POU2F1: variants seen among roughly 807,000 people sequenced by gnomAD.
POU2F1 encodes POU domain, class 2, transcription factor 1.
In POU2F1, 16 loss-of-function variants were observed where a neutral mutation model predicts 84.9. The ratio of observed to expected loss-of-function variants is 0.19; its 90% CI spans 0.13 to 0.29. The LOEUF is 0.29. Among genes scored for constraint, POU2F1 ranks in the 10% least tolerant of loss-of-function variants. The probability of loss-of-function intolerance (pLI) is 1.00; values close to 1 mark genes in which losing one functional copy is unlikely to be tolerated. For synonymous variants in POU2F1, 368 were observed against 368.3 expected (o/e 1.00, Z 0.01); for missense variants, 738 against 942.6 (o/e 0.78, Z 2.84).
intron 1 of POU2F1, among the ~76,000 whole-genome samples, chr1:167,258,097 G>T (rs771979529): frequency 6.6e-6 from 1 of 152,150 alleles, no homozygotes; most frequent in Non-Finnish European, 1.5e-5. Context: ...TGATTGTCAT[G>T]TGTGTCACCG....
Position 167,353,349 on chromosome 1 carries a change from CT to C in POU2F1, c.128-12104del, listed in dbSNP as rs769922058. Among the ~76,000 whole-genome samples the C allele has an allele frequency of 4.5e-3, 641 of 141,856 alleles. 3 individuals are homozygous for C. Among genetic ancestry groups the C allele is most frequent in the South Asian group, 0.019 (83 of 4,470 alleles). The allele number at this position is 141,856 out of a possible 152,430, so 93.1% of individuals were successfully genotyped here. A position where few individuals can be genotyped will look rare whatever the true frequency, so the allele number is the denominator to read the frequency against. On this transcript the variant is annotated intron_variant, in intron 2 of 15. Coordinates refer to ENST00000367866, the MANE Select transcript of POU2F1 (RefSeq NM_002697.4). ...TTTTTCTGTTTTTACCTACCTTCTC[CT>C]TTTTTTTTTTTTTGCATCTGACAAA... is the stretch of plus-strand genomic sequence containing the variant.
chr1:167,322,185 A>T (rs2102636386), intron 1 of POU2F1, among the ~76,000 whole-genome samples: 2 of 152,270 alleles, frequency 1.3e-5, no homozygotes, highest in South Asian at 4.1e-4. Context: ...TGATTCACCC[A>T]ATAAGTTGCT....
chr1:167,225,929 A>G (rs149188129), intron 1 of POU2F1, among the ~76,000 whole-genome samples: 4 of 152,322 alleles, frequency 2.6e-5, no homozygotes, highest in Non-Finnish European at 5.9e-5. Context: ...ATTTGCCTTT[A>G]TATAATTGTG....
chr1:167,259,273 T>C (rs371431724), intron 1 of POU2F1, among the ~76,000 whole-genome samples: 256 of 152,290 alleles, frequency 1.7e-3, no homozygotes, highest in African/African-American at 5.9e-3. Context: ...TATTGCATTC[T>C]ATTGGGAGAC....
intron 15 of POU2F1, 100 bp from the exon 16 acceptor site, chr1:167,415,400 G>T (rs1425798797): frequency 3.1e-6 from 4 of 1,309,390 alleles, no homozygotes; most frequent in Middle Eastern, 1.9e-4. Context: ...TTTCCTGGTG[G>T]GTTGTAGGAA....
At position 167,412,228 on chromosome 1, in the gene POU2F1, A is replaced by G. The variant is rs1457284204; in HGVS notation, c.1825A>G (p.Asn609Asp). 1.2e-6 allele frequency: 2 copies of G among 1,607,046 alleles called. No individual in the cohort carries two copies. Residue 609 changes from asparagine (N) to aspartate (D), a missense_variant, in exon 14 of 16, where the codon AAT (asparagine) becomes GAT (aspartate). Around this residue, in one of 4 missense-constraint regions of POU2F1, gnomAD observed 319 missense variants for 386.0 expected, o/e 0.83. Coordinates refer to ENST00000367866, the MANE Select transcript of POU2F1 (RefSeq NM_002697.4). The stretch of plus-strand genomic sequence containing the variant: ...TCAAGGAGCTGCACAGTTGCCAGCA[A>G]ATGCCAGTCTTGCTGCCATGGCAGC... ...ALQGAAQLPA[N>D]ASLAAMAAAA...
chr1:167,298,731 A>G lies in POU2F1; in HGVS notation c.62-33739A>G, dbSNP rs942706676. Among the ~76,000 whole-genome samples the G allele has an allele frequency of 7.2e-5, 11 of 152,138 alleles. 1 individual carries two copies. Among genetic ancestry groups the G allele is most frequent in the African/African-American group, 2.2e-4 (9 of 41,432 alleles). ...AATTATGAGCTTCAAAAAACTATTC[A>G]GTTTGCTTGAATTCATTAATTTTAA... On this transcript the variant is annotated intron_variant, in intron 1 of 15. Transcript: ENST00000367866.
intron 1 of POU2F1, among the ~76,000 whole-genome samples, chr1:167,319,264 C>T (rs1656142559): frequency 6.6e-6 from 1 of 152,140 alleles, no homozygotes; most frequent in South Asian, 2.1e-4. Flanking sequence ...AACCTCTACC[C>T]CAACTTATTA....
chr1:167,337,960 T>A (rs1657582666), intron 2 of POU2F1: 1 of 369,688 alleles, frequency 2.7e-6, no homozygotes, highest in East Asian at 7.2e-5. Flanking sequence ...CTTTTTGCCT[T>A]CTTTTACAGC....
At chr1:167,329,163 G>T (rs1282483942) in intron 1 of POU2F1, 1 of 1,425,422 alleles carries the variant, frequency 7.0e-7, no homozygotes, top group Non-Finnish European at 9.3e-7. Context: ...CCCTCTTTTC[G>T]CTTAAGAACA....
intron 1 of POU2F1, among the ~76,000 whole-genome samples, chr1:167,264,852 A>C (rs1044341073): frequency 6.6e-6 from 1 of 151,838 alleles, no homozygotes; most frequent in Non-Finnish European, 1.5e-5. Context: ...AGATCTTCCC[A>C]CGGTTTCCCA....
chr1:167,267,816 T>A (rs1244748608), intron 1 of POU2F1, among the ~76,000 whole-genome samples: 1 of 151,878 alleles, frequency 6.6e-6, no homozygotes, highest in Non-Finnish European at 1.5e-5. Context: ...TAATTTTTGG[T>A]ATTTTTAGTA....
intron 1 of POU2F1, among the ~76,000 whole-genome samples, chr1:167,238,554 G>A (rs1043091141): frequency 6.6e-6 from 1 of 152,258 alleles, no homozygotes; most frequent in African/African-American, 2.4e-5. Context: ...GAATGCCCCT[G>A]TATAGGCCAA....
At chr1:167,278,231 C>T (rs1046830139) in intron 1 of POU2F1, among the ~76,000 whole-genome samples, 2 of 152,188 alleles carry the variant, frequency 1.3e-5, no homozygotes, top group Non-Finnish European at 2.9e-5. Context: ...CCATTTCATT[C>T]TTCACGTCTC....
chr1:167,350,272 A>G (rs772472084), intron 2 of POU2F1, among the ~76,000 whole-genome samples: 11 of 152,150 alleles, frequency 7.2e-5, no homozygotes, highest in African/African-American at 9.7e-5. Flanking sequence ...GCCTTTTTAC[A>G]TATTCAGGAT....
In POU2F1 at chr1:167,352,982, G is replaced by A. The variant is rs933470042; in HGVS notation, c.128-12485G>A. Among the ~76,000 whole-genome samples the A allele has an allele frequency of 4.6e-5, 7 of 152,220 alleles. No individual in the cohort carries two copies. The East Asian group carries it at 1.3e-3, about 29-fold the overall frequency. On this transcript the variant is annotated intron_variant, in intron 2 of 15. Transcript: ENST00000367866. ...TTTAAATGCCTGAATCCTGTGCAAA[G>A]CTGAGTAATATGAACTGTTCATGAA...
At chr1:167,310,061 C>T (rs375639494) in intron 1 of POU2F1, among the ~76,000 whole-genome samples, 31 of 151,930 alleles carry the variant, frequency 2.0e-4, no homozygotes, top group African/African-American at 7.0e-4. Flanking sequence ...ACTATATGTG[C>T]GAAGATGATT....
At chr1:167,313,922 G>C (rs1435433557) in intron 1 of POU2F1, among the ~76,000 whole-genome samples, 1 of 152,122 alleles carries the variant, frequency 6.6e-6, no homozygotes, top group Non-Finnish European at 1.5e-5. Flanking sequence ...TGAAATTTTT[G>C]GATTTTTTTA....
rs78956180 is a variant in POU2F1 at position 167,242,974 on chromosome 1, T to C, written c.61+22016T>C. Among the ~76,000 whole-genome samples the C allele has an allele frequency of 3.9e-5, 6 of 152,202 alleles. No individual in the cohort carries two copies. In the East Asian group the frequency reaches 7.7e-4, roughly 20 times the overall value. On this transcript the variant is annotated intron_variant, in intron 1 of 15. Transcript: ENST00000367866. The stretch of plus-strand genomic sequence containing the variant: ...TGCCTCTCTCCCCCGCTTTCTTTCT[T>C]ATTTCCTTTGTTTCCCAAAATGAAT...
Sources: gnomAD v4.1 joint callset for allele counts (sites outside exome capture counted in the v4.1 genomes callset) on GRCh38, gnomAD v4.1.1 for gene constraint, gnomAD v4.1.1 regional missense constraint, MANE v1.5 for transcripts, NCBI Gene and HGNC (gene_info 2026-07-23, HGNC 2026-07-21) for gene names.